RBFOX1: variants seen among roughly 807,000 people sequenced by gnomAD.
RBFOX1 encodes the protein RNA binding protein fox-1 homolog 1.
RBFOX1 carries 8 observed loss-of-function variants against 57.7 expected under a neutral mutation model. That is an observed-to-expected ratio of 0.14 (90% CI 0.08 to 0.25). RBFOX1 has a LOEUF of 0.25. Among genes scored for constraint, RBFOX1 ranks in the 10% least tolerant of loss-of-function variants. The probability of loss-of-function intolerance (pLI) is 1.00; values close to 1 mark genes in which losing one functional copy is unlikely to be tolerated. For synonymous variants in RBFOX1, 326 were observed against 222.4 expected, an observed-to-expected ratio of 1.47 and a Z score of -4.15; for missense variants, 611 against 548.5, an observed-to-expected ratio of 1.11 and a Z score of -1.14.
chr16:7,260,646 A>G (rs996809350), intron 4 of RBFOX1, among the ~76,000 whole-genome samples: 5 of 152,136 alleles, frequency 3.3e-5, no homozygotes, highest in African/African-American at 1.2e-4. Context: ...TTGGTGTTAT[A>G]TTCCATTAGT....
chr16:6,009,305 A>C (rs2094946168), intron 4 of RBFOX1, among the ~76,000 whole-genome samples: 1 of 152,178 alleles, frequency 6.6e-6, no homozygotes. Flanking sequence ...ACGTGGTTGC[A>C]CTTTGCTCTC....
At chr16:5,526,489 A>G (rs1294338916) in intron 2 of RBFOX1, among the ~76,000 whole-genome samples, 7 of 152,084 alleles carry the variant, frequency 4.6e-5, no homozygotes, top group Admixed American at 2.0e-4. Context: ...GGGTTTTACC[A>G]TGTTGACCAG....
At chr16:5,884,580 A>G (rs562583994) in intron 4 of RBFOX1, among the ~76,000 whole-genome samples, 40 of 152,072 alleles carry the variant, frequency 2.6e-4, no homozygotes, top group African/African-American at 8.7e-4. Flanking sequence ...GGTAGAAGTA[A>G]TGTATGACTT....
chr16:7,445,846 A>C (rs1469666929), intron 4 of RBFOX1, among the ~76,000 whole-genome samples: 1 of 152,180 alleles, frequency 6.6e-6, no homozygotes, highest in Non-Finnish European at 1.5e-5. Flanking sequence ...ATATTTGCTC[A>C]TTGAAGTGGG....
intron 4 of RBFOX1, among the ~76,000 whole-genome samples, chr16:7,126,005 C>A (rs1286776184): frequency 6.6e-6 from 1 of 152,138 alleles, no homozygotes; most frequent in Non-Finnish European, 1.5e-5. Flanking sequence ...ATCACTTGAA[C>A]CTGGGAGGCG....
At chr16:6,500,553 C>G (rs1441534996) in intron 2 of RBFOX1, among the ~76,000 whole-genome samples, 1 of 152,158 alleles carries the variant, frequency 6.6e-6, no homozygotes, top group Non-Finnish European at 1.5e-5. Context: ...CCATAATATT[C>G]TGAACACAAT....
chr16:6,219,542 C>A (rs2097358158), intron 1 of RBFOX1, among the ~76,000 whole-genome samples: 1 of 152,090 alleles, frequency 6.6e-6, no homozygotes. Flanking sequence ...ATGGAGTGAA[C>A]TCGGGCAATT....
chr16:6,649,878 C>A (rs2154082315), intron 2 of RBFOX1, among the ~76,000 whole-genome samples: 1 of 152,020 alleles, frequency 6.6e-6, no homozygotes. Flanking sequence ...TATAGTATTC[C>A]AATATACCAC....
At chr16:7,043,911 A>T (rs949485202) in intron 3 of RBFOX1, among the ~76,000 whole-genome samples, 1 of 152,120 alleles carries the variant, frequency 6.6e-6, no homozygotes, top group Non-Finnish European at 1.5e-5. Context: ...ACCTGGATAC[A>T]TTGTCTAAAA....
chr16:5,922,168 A>G (rs1366303031), intron 4 of RBFOX1, among the ~76,000 whole-genome samples: 1 of 152,024 alleles, frequency 6.6e-6, no homozygotes, highest in African/African-American at 2.4e-5. Context: ...CTCGACAAAG[A>G]AACAAACCCC....
chr16:5,410,719 C>T (rs1377358444), intron 1 of RBFOX1, among the ~76,000 whole-genome samples: 1 of 152,222 alleles, frequency 6.6e-6, no homozygotes, highest in African/African-American at 2.4e-5. Flanking sequence ...TGCATACTTC[C>T]TGCCTCTGAG....
chr16:5,588,616 C>T (rs2046907872), intron 2 of RBFOX1, among the ~76,000 whole-genome samples: 1 of 152,138 alleles, frequency 6.6e-6, no homozygotes, highest in Non-Finnish European at 1.5e-5. Context: ...GGCAACAGTC[C>T]TCAGCACGTC....
rs556598788 is a variant in RBFOX1, at chr16:5,798,496, C to T, written c.319-68807C>T. On this transcript the variant is annotated intron_variant, in intron 3 of 19. Transcript: ENST00000641259. Reference sequence around the variant, plus strand: ...ATGGCTCAGGATAGGAAAGGACATGCAGACTTGAAACAACCTGGCAAGTGG... The same window carrying T: ...ATGGCTCAGGATAGGAAAGGACATGTAGACTTGAAACAACCTGGCAAGTGG... Among the ~76,000 whole-genome samples, 43 of 152,260 alleles carry T rather than the reference C, an allele frequency of 2.8e-4. No individual in the cohort carries two copies. The South Asian group carries it at 7.3e-3, about 26-fold the overall frequency.
At chr16:5,856,601 A>ATATATATATATATATATG (rs1321996342) in intron 3 of RBFOX1, among the ~76,000 whole-genome samples, 62 of 107,286 alleles carry the variant, frequency 5.8e-4, no homozygotes, top group African/African-American at 2.2e-3. Flanking sequence ...ATATATATAT[A>ATATATATATATATATATG]TATAATCTTA....
intron 3 of RBFOX1, among the ~76,000 whole-genome samples, chr16:6,868,281 A>T (rs1290412252): frequency 1.3e-5 from 2 of 152,216 alleles, no homozygotes; most frequent in African/African-American, 4.8e-5. Context: ...TTATAAGAAG[A>T]TGGACACAGA....
intron 3 of RBFOX1, among the ~76,000 whole-genome samples, chr16:6,825,746 G>C (rs1332100112): frequency 6.6e-6 from 1 of 152,098 alleles, no homozygotes; most frequent in Non-Finnish European, 1.5e-5. Context: ...CGATGCCAGG[G>C]ACACGTGTAA....
chr16:7,337,179 G>A (rs2144839700), intron 4 of RBFOX1, among the ~76,000 whole-genome samples: 1 of 152,212 alleles, frequency 6.6e-6, no homozygotes, highest in South Asian at 2.1e-4. Context: ...GAATGCGAGT[G>A]GTATAGCTGG....
At chr16:7,029,639 G>A (rs1042188036) in intron 3 of RBFOX1, among the ~76,000 whole-genome samples, 1 of 152,072 alleles carries the variant, frequency 6.6e-6, no homozygotes, top group African/African-American at 2.4e-5. Flanking sequence ...AAGGGTATGA[G>A]ATTTGAAATG....
At chr16:6,510,144 G>C (rs1345740165) in intron 2 of RBFOX1, among the ~76,000 whole-genome samples, 1 of 152,238 alleles carries the variant, frequency 6.6e-6, no homozygotes, top group East Asian at 1.9e-4. Context: ...AGTCAGTAGA[G>C]AAAGAGAAGA....
Sources: allele counts gnomAD v4.1 joint callset (sites outside exome capture counted in the v4.1 genomes callset), GRCh38; gene constraint gnomAD v4.1.1; transcripts MANE v1.5; gene names NCBI Gene and HGNC (gene_info 2026-07-23, HGNC 2026-07-21).